WDR41: variants seen among roughly 807,000 people sequenced by gnomAD.
WDR41 encodes WD repeat-containing protein 41.
Under a neutral mutation model 69.3 loss-of-function variants are expected in WDR41, and 63 were observed. The ratio of observed to expected loss-of-function variants is 0.91; its 90% CI spans 0.74 to 1.12. WDR41 has a LOEUF of 1.12. Among genes scored for constraint, WDR41 ranks in the 50% most tolerant of loss-of-function variants. WDR41 has a pLI of 0.00. For synonymous variants in WDR41, 185 were observed against 192.1 expected, an observed-to-expected ratio of 0.96 and a Z score of 0.31; for missense variants, 543 against 534.5, an observed-to-expected ratio of 1.02 and a Z score of -0.16.
At chr5:77,491,573 C>T (rs1407397250) in intron 1 of WDR41, among the ~76,000 whole-genome samples, 1 of 152,088 alleles carries the variant, frequency 6.6e-6, no homozygotes, top group Non-Finnish European at 1.5e-5. Flanking sequence ...TATTCGGGCC[C>T]ATGAAGAAAG....
chr5:77,600,664 G>A (rs1744306436), intron 1 of WDR41, among the ~76,000 whole-genome samples: 2 of 151,992 alleles, frequency 1.3e-5, no homozygotes, highest in Non-Finnish European at 2.9e-5. Flanking sequence ...GGTGGATCAC[G>A]AGGTCAGGAG....
chr5:77,617,426 T>C (rs1744698410), intron 1 of WDR41, among the ~76,000 whole-genome samples: 1 of 152,180 alleles, frequency 6.6e-6, no homozygotes. Context: ...TAAATCTTAA[T>C]AGTGCTTAAC....
At position 77,571,999 on chromosome 5, in the gene WDR41, C is replaced by T. The variant is rs201817592; in HGVS notation, c.42+48480G>A. Among the ~76,000 whole-genome samples the T allele has an allele frequency of 1.8e-3, 279 of 152,188 alleles. 2 individuals carry two copies. The highest frequency in any genetic ancestry group is 6.5e-3 in the African/African-American group (268 of 41,518). On this transcript the variant is annotated intron_variant, in intron 1 of 5. Transcript: ENST00000509971. The stretch of plus-strand genomic sequence containing the variant: ...AGCCACACAATTCTGCAAGCAACCA[C>T]GGAAGGCCTAAAAACCACGTTTCTC...
At chr5:77,442,504 G>A (rs968015582) in intron 8 of WDR41, among the ~76,000 whole-genome samples, 3 of 152,156 alleles carry the variant, frequency 2.0e-5, no homozygotes, top group East Asian at 3.9e-4. Context: ...CTGGATAGTG[G>A]AAAGATTTTA....
chr5:77,476,676 C>A lies in WDR41; in HGVS notation c.168-11867G>T, dbSNP rs551263401. Among the ~76,000 whole-genome samples the A allele has an allele frequency of 1.1e-3, 168 of 151,762 alleles. 1 individual carries two copies. Among genetic ancestry groups the A allele is most frequent in the African/African-American group, 3.9e-3 (161 of 41,300 alleles). On this transcript the variant is annotated intron_variant, in intron 2 of 12. Coordinates refer to ENST00000296679, the MANE Select transcript of WDR41 (RefSeq NM_018268.4). Reference sequence around the variant, plus strand: ...TCTAAAAGAGCTCCTGAAGGAAGTGCTAAACATGGAAAGGAACAACCAGTA... The same window carrying A: ...TCTAAAAGAGCTCCTGAAGGAAGTGATAAACATGGAAAGGAACAACCAGTA...
chr5:77,438,089 T>TA, intron 10 of WDR41, 151 bp downstream of exon 10: 1 of 1,112,632 alleles, frequency 9.0e-7, no homozygotes, highest in Non-Finnish European at 1.3e-6. Context: ...ACCCTTCTGT[T>TA]AGAGACAGCC....
intron 1 of WDR41, among the ~76,000 whole-genome samples, chr5:77,598,437 T>G (rs936727590): frequency 1.3e-5 from 2 of 152,170 alleles, no homozygotes; most frequent in Non-Finnish European, 2.9e-5. Context: ...TCCACTAGAC[T>G]TAAACCTGAA....
At chr5:77,511,519 C>T (rs562513239) in intron 1 of WDR41, among the ~76,000 whole-genome samples, 9 of 152,266 alleles carry the variant, frequency 5.9e-5, no homozygotes, top group African/African-American at 2.2e-4. Context: ...TATTTAATGA[C>T]TTATTAATCA....
chr5:77,444,697 C>G (rs1799307470), intron 8 of WDR41, among the ~76,000 whole-genome samples: 1 of 152,226 alleles, frequency 6.6e-6, no homozygotes, highest in Admixed American at 6.5e-5. Flanking sequence ...AAGCAGGGAA[C>G]TGTACAACAT....
rs186335560 is a variant in WDR41 at position 77,582,931 on chromosome 5, T to A, written c.42+37548A>T. On this transcript the variant is annotated intron_variant, in intron 1 of 5. Coordinates refer to the WDR41 transcript ENST00000509971. ...ATCTCTTGGTAAATACGGCATTATC[T>A]GCATGGAGGATTTGATTCATGAGAT... 3 of 1,609,614 alleles carry A rather than the reference T, an allele frequency of 1.9e-6. No homozygotes were observed. The East Asian group carries it at 6.7e-5, about 36-fold the overall frequency.
intron 1 of WDR41, among the ~76,000 whole-genome samples, chr5:77,526,703 C>G (rs975269387): frequency 6.6e-6 from 1 of 152,044 alleles, no homozygotes; most frequent in African/African-American, 2.4e-5. Flanking sequence ...ATTACTTTCT[C>G]CAGTCTATTA....
intron 1 of WDR41, among the ~76,000 whole-genome samples, chr5:77,489,836 AG>A (rs2112118771): frequency 6.6e-6 from 1 of 152,328 alleles, no homozygotes; most frequent in South Asian, 2.1e-4. Flanking sequence ...ATTTACAAAA[AG>A]GGTGAATTTT....
rs148586700 is a variant in WDR41 at position 77,620,482 on chromosome 5, A to G, written c.39T>C (p.Gly13=). 896 of 441,720 alleles carry G rather than the reference A, an allele frequency of 2.0e-3. 9 individuals are homozygous for G. The highest frequency in any genetic ancestry group is 0.017 in the African/African-American group (759 of 45,058). The allele number at this position is 441,720 out of a possible 1,614,324, so 27.4% of individuals were successfully genotyped here. Residue 13 remains glycine (G), a synonymous_variant, in exon 1 of 6, where the codon GGT becomes GGC. Transcript: ENST00000509971. ...TCCCAACAAAAACTTCACATACCTCACCAGTTTCCCCTGGACTTGAACAAT... is the reference window on the plus strand; with the variant it reads ...TCCCAACAAAAACTTCACATACCTCGCCAGTTTCCCCTGGACTTGAACAAT...
Position 77,481,505 on chromosome 5 carries a change from G to A in WDR41, c.167+7952C>T, listed in dbSNP as rs143317226. 8.2e-3 allele frequency among the ~76,000 whole-genome samples: 1,253 copies of A among 152,234 alleles called. 7 individuals carry two copies. The highest frequency in any genetic ancestry group is 0.014 in the Non-Finnish European group (966 of 68,010). On this transcript the variant is annotated intron_variant, in intron 2 of 12. Coordinates refer to ENST00000296679, the MANE Select transcript of WDR41 (RefSeq NM_018268.4). ...TGGGTACATATTAAAGCCACATCCT[G>A]GCTGGGTTTGGTAGCTCACACCTGT...
At chr5:77,607,009 A>C (rs1415130111) in intron 1 of WDR41, among the ~76,000 whole-genome samples, 1 of 151,890 alleles carries the variant, frequency 6.6e-6, no homozygotes, top group Non-Finnish European at 1.5e-5. Flanking sequence ...GAAGTTTTTG[A>C]GTAAGACACA....
chr5:77,452,145 T>A (rs532529745), intron 6 of WDR41: 1 of 152,284 alleles, frequency 6.6e-6, no homozygotes, highest in Non-Finnish European at 1.5e-5. Flanking sequence ...CTGTTGTGAT[T>A]TGGATAGTAT....
At chr5:77,612,276 T>C (rs1422580886) in intron 1 of WDR41, among the ~76,000 whole-genome samples, 1 of 152,210 alleles carries the variant, frequency 6.6e-6, no homozygotes, top group African/African-American at 2.4e-5. Context: ...GAGGGAATCC[T>C]TCCTAACTAA....
chr5:77,463,377 A>T (rs994537661), intron 3 of WDR41, 151 bp from the exon 4 acceptor site: 2 of 611,838 alleles, frequency 3.3e-6, no homozygotes, highest in Non-Finnish European at 4.9e-6. Context: ...ATCACACAGA[A>T]TCTAAACAAG....
chr5:77,521,825 T>G (rs764302043), intron 1 of WDR41, among the ~76,000 whole-genome samples: 4 of 152,208 alleles, frequency 2.6e-5, no homozygotes, highest in Non-Finnish European at 5.9e-5. Context: ...ATTAATAGCA[T>G]ATGTACACCA....
Sources: gnomAD v4.1 joint callset for allele counts (sites outside exome capture counted in the v4.1 genomes callset) on GRCh38, gnomAD v4.1.1 for gene constraint, MANE v1.5 for transcripts, NCBI Gene and HGNC (gene_info 2026-07-23, HGNC 2026-07-21) for gene names.